PCDHGB4: variants seen among roughly 807,000 people sequenced by gnomAD.
The protein encoded by PCDHGB4 is protocadherin gamma-B4.
Under a neutral mutation model 60.5 loss-of-function variants are expected in PCDHGB4, and 38 were observed. The ratio of observed to expected loss-of-function variants is 0.63; its 90% confidence interval spans 0.48 to 0.82. The LOEUF (loss-of-function observed/expected upper bound fraction) is 0.82, where lower values mean the gene tolerates loss of function less well. Ranked by LOEUF, PCDHGB4 falls within the 40% of genes least tolerant of loss-of-function variation. The pLI is 0.00. For missense variants in PCDHGB4, 1,109 were observed against 1,209.6 expected (o/e 0.92, Z 1.23); for synonymous variants, 456 against 509.7 (o/e 0.89, Z 1.42).
intron 1 of PCDHGB4, among the ~76,000 whole-genome samples, chr5:141,451,365 G>C (rs557753113): frequency 2.0e-5 from 3 of 152,116 alleles, no homozygotes; most frequent in Non-Finnish European, 4.4e-5. Context: ...GGATGGATCC[G>C]CTTCTAATCT....
At position 141,486,709 on chromosome 5, in the gene PCDHGB4, C is replaced by T; in HGVS notation, c.2398-8098C>T. 6.2e-7 allele frequency: 1 copy of T among 1,614,182 alleles called. No individual in the cohort carries two copies. ...CTTCCTCTTTCATCTCTCTGAACCC[C>T]CAGACAGGAGCTGTTCATGCTACTC... On this transcript the variant is annotated intron_variant, in intron 1 of 3. Coordinates refer to ENST00000519479, the MANE Select transcript of PCDHGB4 (RefSeq NM_003736.4). This position sits in a 1 kb window ranked among gnomAD's most constrained non-coding sequence, Gnocchi z 5.0.
chr5:141,489,250 A>C lies in PCDHGB4; in HGVS notation c.2398-5557A>C. 1 of 1,546,554 alleles carries C rather than the reference A, an allele frequency of 6.5e-7. No individual in the cohort carries two copies. The highest frequency in any genetic ancestry group is 8.7e-7 in the Non-Finnish European group (1 of 1,146,722). On this transcript the variant is annotated intron_variant, in intron 1 of 3. Transcript: ENST00000519479. This position sits in a 1 kb window ranked among gnomAD's most constrained non-coding sequence, Gnocchi z 4.5. The stretch of plus-strand genomic sequence containing the variant: ...AAGGGACTTCTGGGTCATGGGGCCC[A>C]AGACACTCCCACAGCTCGCTGGGAA...
chr5:141,431,190 A>G lies in PCDHGB4; in HGVS notation c.2397+40909A>G, dbSNP rs1363655439. 1 of 1,614,228 alleles carries G rather than the reference A, an allele frequency of 6.2e-7. No homozygotes were observed. Among genetic ancestry groups the G allele is most frequent in the Non-Finnish European group, 8.5e-7 (1 of 1,180,038 alleles). ...AGTGAATTAGAAATAAAAATTAGTGAAAATGCAGCCACTGAGATGCGGTTC... is the reference window on the plus strand; with the variant it reads ...AGTGAATTAGAAATAAAAATTAGTGGAAATGCAGCCACTGAGATGCGGTTC... On this transcript the variant is annotated intron_variant, in intron 1 of 3. Transcript: ENST00000519479. This position sits in a 1 kb window ranked among gnomAD's most constrained non-coding sequence, Gnocchi z 4.8.
intron 1 of PCDHGB4, chr5:141,422,463 C>G (rs1461108652): frequency 6.2e-7 from 1 of 1,613,472 alleles, no homozygotes; most frequent in Non-Finnish European, 8.5e-7. Flanking sequence ...GAGTGCTGGA[C>G]AGGGAGTTGG....
At chr5:141,488,021 C>A (rs570700985) in intron 1 of PCDHGB4, among the ~76,000 whole-genome samples, 1 of 152,244 alleles carries the variant, frequency 6.6e-6, no homozygotes, top group East Asian at 1.9e-4. Flanking sequence ...TACCTTAACT[C>A]TAGGTTACCA....
intron 1 of PCDHGB4, chr5:141,399,412 T>A: frequency 6.2e-7 from 1 of 1,613,948 alleles, no homozygotes; most frequent in Non-Finnish European, 8.5e-7. Flanking sequence ...GCCGCCCCTC[T>A]CCTCCAGCAT....
At chr5:141,444,670 C>G (rs1174911888) in intron 1 of PCDHGB4, among the ~76,000 whole-genome samples, 1 of 152,052 alleles carries the variant, frequency 6.6e-6, no homozygotes, top group African/African-American at 2.4e-5. Context: ...CCATTTTTTT[C>G]AATACCATTT....
intron 1 of PCDHGB4, among the ~76,000 whole-genome samples, chr5:141,461,968 C>A (rs2099027589): frequency 6.6e-6 from 1 of 152,204 alleles, no homozygotes; most frequent in African/African-American, 2.4e-5. Context: ...GGATTCCAGG[C>A]ATATGCCACC....
intron 1 of PCDHGB4, chr5:141,400,651 C>G (rs2094056317): frequency 8.6e-7 from 1 of 1,166,874 alleles, no homozygotes; most frequent in African/African-American, 1.5e-5. Flanking sequence ...GAAAGCTGTC[C>G]TACCATTCTT....
At chr5:141,402,332 A>G (rs991402257) in intron 1 of PCDHGB4, among the ~76,000 whole-genome samples, 2 of 152,036 alleles carry the variant, frequency 1.3e-5, no homozygotes, top group African/African-American at 4.8e-5. Flanking sequence ...TTACAAATAT[A>G]TAGGTATAAA....
chr5:141,393,682 C>T (rs756181553), intron 1 of PCDHGB4: 18 of 1,613,870 alleles, frequency 1.1e-5, no homozygotes, highest in Non-Finnish European at 1.3e-5. Context: ...AAACAAACTC[C>T]GTTATTCCAG....
intron 1 of PCDHGB4, among the ~76,000 whole-genome samples, chr5:141,473,185 G>A (rs1171761852): frequency 1.3e-5 from 2 of 152,188 alleles, no homozygotes; most frequent in Non-Finnish European, 2.9e-5. Flanking sequence ...ACTTGAAGGA[G>A]TAAATGTATC....
chr5:141,415,484 G>C (rs369349538), intron 1 of PCDHGB4: 18 of 1,614,102 alleles, frequency 1.1e-5, no homozygotes, highest in Non-Finnish European at 1.5e-5. Flanking sequence ...TCGCGAAAGA[G>C]TCACCTGATC....
chr5:141,489,229 G>A lies in PCDHGB4; in HGVS notation c.2398-5578G>A, dbSNP rs1188849525. 5.9e-6 allele frequency: 9 copies of A among 1,522,134 alleles called. No homozygotes were observed. In the Admixed American group the frequency reaches 6.4e-5, roughly 11 times the overall value. 94.3% of individuals were successfully genotyped at this position (1,522,134 alleles called of 1,614,324 possible). On this transcript the variant is annotated intron_variant, in intron 1 of 3. Transcript: ENST00000519479. The surrounding 1 kb of genome is among the most constrained non-coding windows in gnomAD (Gnocchi z 4.5). The stretch of plus-strand genomic sequence containing the variant: ...AGCACAGACTTACTCTCCACAAAGG[G>A]ACTTCTGGGTCATGGGGCCCAAGAC...
intron 1 of PCDHGB4, among the ~76,000 whole-genome samples, chr5:141,469,045 G>C (rs35157158): frequency 1.4e-3 from 207 of 152,234 alleles, no homozygotes; most frequent in Middle Eastern, 0.01. Flanking sequence ...GGGAGGCCAA[G>C]GTGGGAGGAT....
At position 141,422,164 on chromosome 5, in the gene PCDHGB4, T is replaced by C. The variant is rs2096630287; in HGVS notation, c.2397+31883T>C. 2 of 1,568,668 alleles carry C rather than the reference T, an allele frequency of 1.3e-6. No homozygotes were observed. Among genetic ancestry groups the C allele is most frequent in the Non-Finnish European group, 1.7e-6 (2 of 1,162,894 alleles). On this transcript the variant is annotated intron_variant, in intron 1 of 3. Coordinates refer to ENST00000519479, the MANE Select transcript of PCDHGB4 (RefSeq NM_003736.4). ...ACGGGGGTCTCTGGATTTTGAAAAA[T>C]ATAGATTCTATGAGATGGAAATTCA... is the stretch of plus-strand genomic sequence containing the variant.
intron 1 of PCDHGB4, chr5:141,413,905 C>G: frequency 6.2e-7 from 1 of 1,613,338 alleles, no homozygotes; most frequent in Non-Finnish European, 8.5e-7. Context: ...TGACAACGCG[C>G]CGGTCTTCAC....
chr5:141,484,552 G>T (rs2099597743), intron 1 of PCDHGB4, among the ~76,000 whole-genome samples: 1 of 152,138 alleles, frequency 6.6e-6, no homozygotes, highest in African/African-American at 2.4e-5. Context: ...CTAATTAGCA[G>T]TTGCTCCAAT....
In PCDHGB4 at chr5:141,510,932, CCT is replaced by C. The variant is rs753455267; in HGVS notation, c.2546-12_2546-11del. 6 of 1,613,998 alleles carry C rather than the reference CCT, an allele frequency of 3.7e-6. No homozygotes were observed. The highest frequency in any genetic ancestry group is 1.1e-5 in the South Asian group (1 of 91,082). ...CTAAGTTTAGCTCCCACCTGATCTTCCTCTGTCTCTGCAGAAGCTGCTGATGG... is the reference window on the plus strand; with the variant it reads ...CTAAGTTTAGCTCCCACCTGATCTTCCTGTCTCTGCAGAAGCTGCTGATGG... On this transcript the variant is annotated splice_polypyrimidine_tract_variant and intron_variant, in intron 3 of 3. Coordinates refer to ENST00000519479, the MANE Select transcript of PCDHGB4 (RefSeq NM_003736.4).
Sources: allele counts gnomAD v4.1 joint callset (sites outside exome capture counted in the v4.1 genomes callset), GRCh38; gene constraint gnomAD v4.1.1; non-coding constraint Gnocchi (gnomAD v3.1); transcripts MANE v1.5; gene names NCBI Gene and HGNC (gene_info 2026-07-23, HGNC 2026-07-21).